The following SLC12A7 variants were observed in gnomAD, a reference collection of about 807,000 sequenced individuals.
The protein encoded by SLC12A7 is solute carrier family 12 member 7, also known as K-Cl cotransporter 4.
Under a neutral mutation model 120.6 loss-of-function variants are expected in SLC12A7, and 100 were observed. The ratio of observed to expected loss-of-function variants is 0.83; its 90% CI spans 0.71 to 0.98. SLC12A7 has a LOEUF of 0.98. Ranked by LOEUF, SLC12A7 falls within the 50% of genes least tolerant of loss-of-function variation. SLC12A7 has a pLI of 0.00. For missense variants in SLC12A7, 1,373 were observed against 1,548.1 expected, an observed-to-expected ratio of 0.89 and a Z score of 1.90; for synonymous variants, 760 against 678.0, an observed-to-expected ratio of 1.12 and a Z score of -1.88.
chr5:1,066,093 G>C (rs1038441689), intron 17 of SLC12A7, among the ~76,000 whole-genome samples: 2 of 152,324 alleles, frequency 1.3e-5, no homozygotes, highest in Admixed American at 6.5e-5. Context: ...CTAAAGCCAT[G>C]CATGTGTGGA....
rs1484948318 is a variant in SLC12A7 at position 1,050,562 on chromosome 5, C to CAGGAGGTGGTTTCGTGTGCAGAACT, written c.*1773_*1797dup. The CAGGAGGTGGTTTCGTGTGCAGAACT allele has an allele frequency of 3.3e-6, 1 of 304,328 alleles. No homozygotes were observed. Among genetic ancestry groups the CAGGAGGTGGTTTCGTGTGCAGAACT allele is most frequent in the Non-Finnish European group, 6.0e-6 (1 of 166,970 alleles). 18.9% of individuals were successfully genotyped at this position (304,328 alleles called of 1,614,324 possible). On this transcript the variant is annotated 3_prime_UTR_variant, in exon 24 of 24. Transcript: ENST00000264930. ...CAGGGCGGGGGCAGAGCTGAGCCCT[C>CAGGAGGTGGTTTCGTGTGCAGAACT]AGGAGGTGGTTTCGTGTGCAGAACT...
chr5:1,067,827 C>T (rs112694389), intron 17 of SLC12A7, among the ~76,000 whole-genome samples: 74 of 142,730 alleles, frequency 5.2e-4, no homozygotes, highest in South Asian at 2.9e-3. Flanking sequence ...AAGTCAGCAC[C>T]GTGTCGGGGA....
the SLC12A7 span, among the ~76,000 whole-genome samples, chr5:1,125,923 CA>C: frequency 0.13 from 12,621 of 100,584 alleles, 1,396 homozygotes; most frequent in African/African-American, 0.35. Flanking sequence ...GGCCCTGCCT[CA>C]AAAAAAAAAA....
intron 20 of SLC12A7, 148 bp from the exon 21 acceptor site, chr5:1,060,599 GC>G (rs772325242): frequency 3.0e-5 from 19 of 635,040 alleles, no homozygotes; most frequent in Non-Finnish European, 4.5e-5. Context: ...TGGCTCTCAG[GC>G]CCCCCGCCCA....
chr5:1,077,882 G>T lies in SLC12A7; in HGVS notation c.1580C>A (p.Pro527Gln). Residue 527 changes from proline to glutamine, a missense_variant, in exon 12 of 24, where the codon CCG becomes CAG. By Grantham distance (76) the Pro-to-Gln change is moderately conservative (BLOSUM62 -1). Coordinates refer to ENST00000264930, the MANE Select transcript of SLC12A7 (RefSeq NM_006598.3). ...GAGLQSLTGA[P>Q]RLLQAIARDG... ...ACGGGCAATGGCCTGCAGTAGGCGC[G>T]GTGCCCCCGTGAGGCTCTGCAGGCC... 3 of 1,598,074 alleles carry T rather than the reference G, an allele frequency of 1.9e-6. No individual in the cohort carries two copies. Among genetic ancestry groups the T allele is most frequent in the Non-Finnish European group, 1.7e-6 (2 of 1,173,112 alleles).
chr5:1,057,874 G>A (rs1184004289), intron 21 of SLC12A7, among the ~76,000 whole-genome samples: 1 of 152,012 alleles, frequency 6.6e-6, no homozygotes, highest in African/African-American at 2.4e-5. Context: ...TCACCTTCCC[G>A]CCCTGGCCCT....
rs1382048504 is a variant in SLC12A7, at chr5:1,050,990, A to G, written c.*1370T>C. ...GGCCTGGCCATCTGGGGCCTCTAGT[A>G]TATAGAAGCAACCTCTTTATGGACA... On this transcript the variant is annotated 3_prime_UTR_variant, in exon 24 of 24. Coordinates refer to ENST00000264930, the MANE Select transcript of SLC12A7 (RefSeq NM_006598.3). 2.0e-5 allele frequency: 8 copies of G among 398,668 alleles called. No homozygotes were observed. The highest frequency in any genetic ancestry group is 3.5e-5 in the Non-Finnish European group (8 of 226,056). 24.7% of individuals were successfully genotyped at this position (398,668 alleles called of 1,614,324 possible).
At chr5:1,115,191 G>A (rs879559798), upstream of SLC12A7, among the ~76,000 whole-genome samples, 2 of 152,234 alleles carry the variant, frequency 1.3e-5, no homozygotes, top group Non-Finnish European at 2.9e-5. Flanking sequence ...CCTCTTGGCC[G>A]TGTGCAGGGC....
chr5:1,083,429 G>C (rs933918940), intron 8 of SLC12A7, among the ~76,000 whole-genome samples: 5 of 152,216 alleles, frequency 3.3e-5, no homozygotes, highest in Non-Finnish European at 7.3e-5. Context: ...TTACCGCCCA[G>C]CTACCACTCC....
At chr5:1,094,642 T>TCC (rs747259241) in intron 1 of SLC12A7, among the ~76,000 whole-genome samples, 3 of 152,208 alleles carry the variant, frequency 2.0e-5, no homozygotes, top group East Asian at 1.9e-4. Flanking sequence ...CAAGGGTACC[T>TCC]CCCTCTGGCG....
chr5:1,068,060 G>A (rs1280623311), intron 17 of SLC12A7, among the ~76,000 whole-genome samples: 1 of 152,218 alleles, frequency 6.6e-6, no homozygotes, highest in African/African-American at 2.4e-5. Context: ...ACAGAACAGA[G>A]CACAAGGGCG....
At chr5:1,116,719 CG>C (rs1166888497), upstream of SLC12A7, among the ~76,000 whole-genome samples, 4 of 152,204 alleles carry the variant, frequency 2.6e-5, no homozygotes, top group Non-Finnish European at 5.9e-5. Flanking sequence ...GAATCTCACA[CG>C]GACGCCCGTG....
intron 3 of SLC12A7, among the ~76,000 whole-genome samples, chr5:1,091,522 G>A (rs1049025860): frequency 2.6e-5 from 4 of 152,220 alleles, no homozygotes; most frequent in Non-Finnish European, 5.9e-5. Flanking sequence ...CACACAGGCG[G>A]ACAGACAGGG....
intron 22 of SLC12A7, among the ~76,000 whole-genome samples, chr5:1,055,123 CTAA>C (rs138713797): frequency 0.014 from 2,193 of 152,284 alleles, 38 homozygotes; most frequent in East Asian, 0.043. Flanking sequence ...GACACGCACA[CTAA>C]TGTGTATACG....
At chr5:1,118,220 C>G in the SLC12A7 span, among the ~76,000 whole-genome samples, 3 of 152,330 alleles carry the variant, frequency 2.0e-5, no homozygotes, top group East Asian at 3.9e-4. Context: ...AGTAAAACTC[C>G]GGTCTCCTGC....
chr5:1,054,186 A>G (rs756439507), intron 22 of SLC12A7, among the ~76,000 whole-genome samples: 26 of 152,204 alleles, frequency 1.7e-4, no homozygotes, highest in Non-Finnish European at 2.5e-4. Context: ...GCTAAAGGAC[A>G]AGCACTTCCA....
chr5:1,147,137 A>C, the SLC12A7 span, among the ~76,000 whole-genome samples: 1 of 152,098 alleles, frequency 6.6e-6, no homozygotes, highest in African/African-American at 2.4e-5. Context: ...AGTCCCACAG[A>C]CAAATGAACG....
intron 16 of SLC12A7, 100 bp from the exon 17 acceptor site, chr5:1,073,901 G>C: frequency 8.5e-7 from 1 of 1,173,844 alleles, no homozygotes; most frequent in Non-Finnish European, 1.1e-6. Context: ...CACGACACAG[G>C]TGGGACGGGA....
At chr5:1,152,710 A>G in the SLC12A7 span, among the ~76,000 whole-genome samples, 1 of 152,104 alleles carries the variant, frequency 6.6e-6, no homozygotes, top group African/African-American at 2.4e-5. Flanking sequence ...CAGCACCGAC[A>G]CACCCCAGCC....
Sources: allele counts gnomAD v4.1 joint callset (sites outside exome capture counted in the v4.1 genomes callset), GRCh38; gene constraint gnomAD v4.1.1; transcripts MANE v1.5; gene names NCBI Gene and HGNC (gene_info 2026-07-23, HGNC 2026-07-21).